Variants in MAP7 observed in about 807,000 individuals in gnomAD.
MAP7 encodes the protein microtubule associated protein 7.
In MAP7, 52 loss-of-function variants were observed where a neutral mutation model predicts 94.8. The observed-to-expected ratio is 0.55, with a 90% CI of 0.44 to 0.69. The LOEUF (loss-of-function observed/expected upper bound fraction) is 0.69, where lower values mean the gene tolerates loss of function less well. Ranked by LOEUF, MAP7 falls within the 30% of genes least tolerant of loss-of-function variation. MAP7 has a pLI of 0.00. For missense variants in MAP7, 940 were observed against 964.6 expected (o/e 0.97, Z 0.34); for synonymous variants, 350 against 357.0 (o/e 0.98, Z 0.22).
At chr6:136,466,649 T>C (rs1370908197) in intron 1 of MAP7, 2 of 1,001,414 alleles carry the variant, frequency 2.0e-6, no homozygotes, top group South Asian at 1.9e-5. Flanking sequence ...TTTCCTACTC[T>C]GTACTTCCAC....
intron 1 of MAP7, among the ~76,000 whole-genome samples, chr6:136,503,925 C>T (rs1820585862): frequency 6.6e-6 from 1 of 152,164 alleles, no homozygotes; most frequent in South Asian, 2.1e-4. Context: ...TACTGCAGCA[C>T]CGATTTGTAG....
intron 1 of MAP7, among the ~76,000 whole-genome samples, chr6:136,430,642 C>A (rs1001991433): frequency 3.3e-5 from 5 of 152,108 alleles, no homozygotes; most frequent in Non-Finnish European, 7.4e-5. Context: ...AGGTTCTGAA[C>A]GTTTATTCCA....
At chr6:136,383,544 G>GA in intron 6 of MAP7, 127 bp downstream of exon 6, 1 of 525,068 alleles carries the variant, frequency 1.9e-6, no homozygotes, top group Non-Finnish European at 3.3e-6. Flanking sequence ...TTACTCTGAA[G>GA]TTTTTTTCTT....
intron 1 of MAP7, among the ~76,000 whole-genome samples, chr6:136,537,588 T>A (rs1161711318): frequency 6.6e-6 from 1 of 152,184 alleles, no homozygotes; most frequent in African/African-American, 2.4e-5. Flanking sequence ...CATACAAAAC[T>A]TATTTTCAAT....
At chr6:136,495,491 C>T (rs1485818722) in intron 1 of MAP7, among the ~76,000 whole-genome samples, 2 of 151,974 alleles carry the variant, frequency 1.3e-5, no homozygotes, top group Non-Finnish European at 1.5e-5. Context: ...CACATAAACA[C>T]ACACACACGT....
chr6:136,382,170 CAG>C (rs144114395), intron 6 of MAP7, among the ~76,000 whole-genome samples: 2,958 of 152,244 alleles, frequency 0.019, 94 homozygotes, highest in African/African-American at 0.066. Flanking sequence ...GTCTATCGTG[CAG>C]AGAGTCTAGA....
rs1411384886 is a variant in MAP7, at chr6:136,362,349, T to A, written c.1526+101A>T. On this transcript the variant is annotated intron_variant, in intron 11 of 17. Coordinates refer to ENST00000354570, the MANE Select transcript of MAP7 (RefSeq NM_003980.6). Reference sequence around the variant, plus strand: ...GAGTAATCCTGAAAGAACTAATCCATTCACTTTCATCAGTATTATCACCTC... The same window carrying A: ...GAGTAATCCTGAAAGAACTAATCCAATCACTTTCATCAGTATTATCACCTC... 10 of 1,419,382 alleles carry A rather than the reference T, an allele frequency of 7.0e-6. No individual in the cohort carries two copies. The South Asian group carries it at 1.3e-4, about 19-fold the overall frequency. 87.9% of individuals were successfully genotyped at this position (1,419,382 alleles called of 1,614,324 possible).
chr6:136,442,804 C>T (rs1224587141), intron 1 of MAP7, among the ~76,000 whole-genome samples: 2 of 152,152 alleles, frequency 1.3e-5, no homozygotes, highest in Non-Finnish European at 2.9e-5. Context: ...AGACCATCTG[C>T]CTTCAAACTG....
chr6:136,484,433 C>T (rs916193503), intron 1 of MAP7, among the ~76,000 whole-genome samples: 13 of 152,232 alleles, frequency 8.5e-5, no homozygotes, highest in African/African-American at 3.1e-4. Context: ...TTTCTCTCTG[C>T]CCATGGTCAT....
intron 1 of MAP7, among the ~76,000 whole-genome samples, chr6:136,424,109 GT>G (rs916470521): frequency 1.8e-4 from 27 of 151,626 alleles, no homozygotes; most frequent in East Asian, 5.8e-4. Flanking sequence ...GGAGTTTTTT[GT>G]TTTTTTTAAA....
intron 1 of MAP7, among the ~76,000 whole-genome samples, chr6:136,487,503 G>A (rs1815149384): frequency 6.6e-6 from 1 of 152,020 alleles, no homozygotes; most frequent in East Asian, 1.9e-4. Flanking sequence ...TTGAGGCCAG[G>A]AATCCTGGGT....
At chr6:136,358,246 G>A (rs1408982434) in intron 15 of MAP7, among the ~76,000 whole-genome samples, 2 of 152,092 alleles carry the variant, frequency 1.3e-5, no homozygotes, top group Admixed American at 1.3e-4. Context: ...GGCAGGAAGG[G>A]GGAAAATGCA....
chr6:136,509,094 A>G (rs1180345223), intron 1 of MAP7, among the ~76,000 whole-genome samples: 1 of 152,242 alleles, frequency 6.6e-6, no homozygotes, highest in Non-Finnish European at 1.5e-5. Flanking sequence ...ATGGCTCACA[A>G]TAAATAACCA....
chr6:136,469,710 T>C (rs1469601984), intron 1 of MAP7, among the ~76,000 whole-genome samples: 1 of 152,140 alleles, frequency 6.6e-6, no homozygotes, highest in Admixed American at 6.6e-5. Flanking sequence ...ATATACTATA[T>C]AGCAAAACTA....
At chr6:136,466,927 G>A in intron 1 of MAP7, 1 of 1,438,538 alleles carries the variant, frequency 7.0e-7, no homozygotes, top group Non-Finnish European at 9.1e-7. Context: ...ACAGCTTGAG[G>A]TAGCTCAAGA....
At chr6:136,475,378 C>T (rs535236568) in intron 1 of MAP7, among the ~76,000 whole-genome samples, 1 of 152,230 alleles carries the variant, frequency 6.6e-6, no homozygotes, top group Admixed American at 6.5e-5. Flanking sequence ...TATAATTGAA[C>T]ATACAGGAGA....
At chr6:136,375,892 G>A (rs1399515183) in intron 7 of MAP7, among the ~76,000 whole-genome samples, 2 of 152,118 alleles carry the variant, frequency 1.3e-5, no homozygotes, top group Admixed American at 6.5e-5. Context: ...GGGAGAAGAT[G>A]GGCAAGTAGA....
intron 2 of MAP7, chr6:136,420,377 C>T (rs1659536126): frequency 8.8e-6 from 5 of 569,014 alleles, no homozygotes. Context: ...AACCTCAGTG[C>T]AGCACCAGGA....
chr6:136,383,645 C>CT (rs1201035200), intron 6 of MAP7, 26 bp downstream of exon 6: 4 of 1,302,654 alleles, frequency 3.1e-6, no homozygotes, highest in Admixed American at 4.6e-5. Context: ...ATAACAGACA[C>CT]TTTTTTGTTT....
Sources: gnomAD v4.1 joint callset for allele counts (sites outside exome capture counted in the v4.1 genomes callset) on GRCh38, gnomAD v4.1.1 for gene constraint, MANE v1.5 for transcripts, NCBI Gene and HGNC (gene_info 2026-07-23, HGNC 2026-07-21) for gene names.